Variants in SRRM3 observed in about 807,000 individuals in gnomAD.
SRRM3 encodes the protein serine/arginine repetitive matrix 3.
A neutral mutation model predicts 66.2 loss-of-function variants in SRRM3; 27 were observed. The observed-to-expected ratio is 0.41, with a 90% CI of 0.30 to 0.56. The LOEUF is 0.56. Among genes scored for constraint, SRRM3 ranks in the 20% least tolerant of loss-of-function variants. The pLI is 0.32. For synonymous variants in SRRM3, 391 were observed against 414.9 expected, an observed-to-expected ratio of 0.94 and a Z score of 0.70; for missense variants, 918 against 991.9, an observed-to-expected ratio of 0.93 and a Z score of 1.00.
At chr7:76,263,128 T>TG (rs1451879413) in intron 8 of SRRM3, among the ~76,000 whole-genome samples, 7 of 152,164 alleles carry the variant, frequency 4.6e-5, no homozygotes, top group Admixed American at 4.6e-4. Context: ...TGCCCCCAAG[T>TG]GGCCACCATT....
At position 76,267,283 on chromosome 7, in the gene SRRM3, G is replaced by A. The variant is rs1554609872; in HGVS notation, c.856G>A (p.Gly286Arg). The A allele has an allele frequency of 1.9e-6, 3 of 1,556,732 alleles. No individual in the cohort carries two copies. Among genetic ancestry groups the A allele is most frequent in the Non-Finnish European group, 2.6e-6 (3 of 1,157,464 alleles). ...GCTGAGCCCCAAGCACCGAGACGAA[G>A]GGCGAAAGACGGGCAGCCAGCGGTC... ...SRLSPKHRDE[G>R]RKTGSQRSSG... Residue 286 changes from glycine to arginine, a missense_variant, in exon 11 of 15, where the codon GGG becomes AGG. Coordinates refer to ENST00000611745, the MANE Select transcript of SRRM3 (RefSeq NM_001110199.3).
chr7:76,205,659 G>A (rs560752030), intron 1 of SRRM3, among the ~76,000 whole-genome samples: 1 of 152,346 alleles, frequency 6.6e-6, no homozygotes, highest in African/African-American at 2.4e-5. Context: ...ACAACCCTGA[G>A]AGGGTGTGGA....
chr7:76,214,447 A>G (rs1563607463), intron 1 of SRRM3, among the ~76,000 whole-genome samples: 1 of 152,156 alleles, frequency 6.6e-6, no homozygotes, highest in Non-Finnish European at 1.5e-5. Context: ...AGATTAATTG[A>G]CATTAATTGG....
Position 76,285,863 on chromosome 7 carries a change from G to A in SRRM3, c.*20G>A. Reference sequence around the variant, plus strand: ...TTCTGAGCCCAGACAGACTCAGCTTGGTGCCCCCCTGGCACTGGGAGAGGC... The same window carrying A: ...TTCTGAGCCCAGACAGACTCAGCTTAGTGCCCCCCTGGCACTGGGAGAGGC... On this transcript the variant is annotated 3_prime_UTR_variant, in exon 15 of 15. Transcript: ENST00000611745. The surrounding 1 kb of genome is among the most constrained non-coding windows in gnomAD (Gnocchi z 4.1). The A allele has an allele frequency of 6.5e-7, 1 of 1,538,382 alleles. No individual in the cohort carries two copies. The highest frequency in any genetic ancestry group is 8.8e-7 in the Non-Finnish European group (1 of 1,138,536).
In SRRM3 at chr7:76,260,097, C is replaced by T. The variant is rs1554608338; in HGVS notation, c.465-20C>T. ...GGCTGCCCCCCCTCACCGCCCCCAC[C>T]CCCGCCCCTTCTCCCCCAGGACCAA... is the stretch of plus-strand genomic sequence containing the variant. On this transcript the variant is annotated intron_variant, in intron 4 of 14. Transcript: ENST00000611745. 2.1e-6 allele frequency: 3 copies of T among 1,400,208 alleles called. No homozygotes were observed. The highest frequency in any genetic ancestry group is 2.8e-5 in the East Asian group (1 of 35,672). The allele number at this position is 1,400,208 out of a possible 1,614,324, so 86.7% of individuals were successfully genotyped here. A position where few individuals can be genotyped will look rare whatever the true frequency, so the allele number is the denominator to read the frequency against.
At chr7:76,282,550 C>CCCCCCACCCCCCAAA in intron 12 of SRRM3, 98 bp from the exon 13 acceptor site, 1 of 618,498 alleles carries the variant, frequency 1.6e-6, no homozygotes, top group African/African-American at 2.0e-5. Context: ...ACACGGACCC[C>CCCCCCACCCCCCAAA]GCCCCTCCGC....
rs370288720 is a variant in SRRM3 at position 76,253,448 on chromosome 7, C to T, written c.335+5159C>T. On this transcript the variant is annotated intron_variant, in intron 3 of 14. Transcript: ENST00000611745. ...CATCCTGGCTAACACGGTGAAACCC[C>T]GTCTCTACTAAAAATACAAAAAATT... is the stretch of plus-strand genomic sequence containing the variant. Among the ~76,000 whole-genome samples the T allele has an allele frequency of 1.9e-3, 285 of 151,260 alleles. 2 individuals are homozygous for T. Among genetic ancestry groups the T allele is most frequent in the Middle Eastern group, 0.014 (4 of 288 alleles).
Position 76,281,591 on chromosome 7 carries a change from CGGCGGCGGCGGCGTA to C in SRRM3, c.1170_1184del (p.Arg391_Arg395del). On this transcript the variant is annotated inframe_deletion, in exon 12 of 15. Transcript: ENST00000611745. ...CGCGGCGGGCGGGGCGGGCAGGCGGCGGCGGCGGCGGCGTAGGCGGCGGCGCTCGCGGTCCTCGGC... is the reference window on the plus strand; with the variant it reads ...CGCGGCGGGCGGGGCGGGCAGGCGGCGGCGGCGGCGCTCGCGGTCCTCGGC... 7.2e-6 allele frequency: 7 copies of C among 978,732 alleles called. No homozygotes were observed. The highest frequency in any genetic ancestry group is 8.5e-6 in the Non-Finnish European group (7 of 826,298). The allele number at this position is 978,732 out of a possible 1,614,324, so 60.6% of individuals were successfully genotyped here. A position where few individuals can be genotyped will look rare whatever the true frequency, so the allele number is the denominator to read the frequency against.
At chr7:76,259,646 A>T (rs1801803672) in intron 3 of SRRM3, among the ~76,000 whole-genome samples, 1 of 151,528 alleles carries the variant, frequency 6.6e-6, no homozygotes, top group East Asian at 1.9e-4. Context: ...GGTGCGGGCT[A>T]AATAAGGGGC....
chr7:76,265,822 A>ATTT (rs1554609482), intron 10 of SRRM3, among the ~76,000 whole-genome samples: 1 of 69,730 alleles, frequency 1.4e-5, no homozygotes, highest in African/African-American at 1.4e-4. Flanking sequence ...TATATTTAAT[A>ATTT]AATATTTATA....
At position 76,235,298 on chromosome 7, in the gene SRRM3, GGGTGA is replaced by G; in HGVS notation, c.233+1_233+5del. 1 of 1,509,160 alleles carries G rather than the reference GGGTGA, an allele frequency of 6.6e-7. No homozygotes were observed. 93.5% of individuals were successfully genotyped at this position (1,509,160 alleles called of 1,614,324 possible). On this transcript the variant is annotated splice_donor_variant and splice_donor_region_variant and coding_sequence_variant and intron_variant, in exon 2 of 15. Coordinates refer to ENST00000611745, the MANE Select transcript of SRRM3 (RefSeq NM_001110199.3). LOFTEE classifies it high-confidence loss of function. ...GCTGCAGGAGATGATGGAGGAGCAG[GGGTGA>G]GCAGGCCGCGGGGCGGGACTGGGGT...
rs1802559657 is a variant in SRRM3 at position 76,282,779 on chromosome 7, C to G, written c.1502C>G (p.Ser501Cys). ...SPGPHPRSWS[S>C]SRSPSKSRSR... ...GGCCCGCACCCCCGCTCCTGGAGCT[C>G]CAGCCGCTCGCCCTCCAAATCTCGC... Residue 501 changes from serine to cysteine, a missense_variant, in exon 13 of 15, where the codon TCC (serine) becomes TGC (cysteine). Coordinates refer to ENST00000611745, the MANE Select transcript of SRRM3 (RefSeq NM_001110199.3). 2 of 1,466,078 alleles carry G rather than the reference C, an allele frequency of 1.4e-6. No homozygotes were observed. The highest frequency in any genetic ancestry group is 6.1e-5 in the East Asian group (2 of 32,696). The allele number at this position is 1,466,078 out of a possible 1,614,324, so 90.8% of individuals were successfully genotyped here.
At chr7:76,242,514 A>G (rs1272378324) in intron 2 of SRRM3, among the ~76,000 whole-genome samples, 1 of 149,082 alleles carries the variant, frequency 6.7e-6, no homozygotes, top group Non-Finnish European at 1.5e-5. Context: ...TTTTCCATGG[A>G]CTAGGCGGGG....
At chr7:76,205,068 C>G (rs1157909248) in intron 1 of SRRM3, among the ~76,000 whole-genome samples, 1 of 152,120 alleles carries the variant, frequency 6.6e-6, no homozygotes, top group Non-Finnish European at 1.5e-5. Flanking sequence ...TCCGCAACTC[C>G]TTCACTGAGC....
intron 1 of SRRM3, among the ~76,000 whole-genome samples, chr7:76,231,847 G>A (rs1441489514): frequency 6.6e-6 from 1 of 152,194 alleles, no homozygotes; most frequent in Non-Finnish European, 1.5e-5. Flanking sequence ...CCTGAGGGAT[G>A]AGTTGAAGTT....
Position 76,285,480 on chromosome 7 carries a change from G to A in SRRM3, c.1734-135G>A, listed in dbSNP as rs1802639249. 10 of 675,852 alleles carry A rather than the reference G, an allele frequency of 1.5e-5. No homozygotes were observed. The highest frequency in any genetic ancestry group is 1.2e-4 in the South Asian group (6 of 51,138). 41.9% of individuals were successfully genotyped at this position (675,852 alleles called of 1,614,324 possible). ...TGGAATTTGCAAGTAACCAATGACCGTCAGATTCCATTTGGAGAAGGCAGG... is the reference window on the plus strand; with the variant it reads ...TGGAATTTGCAAGTAACCAATGACCATCAGATTCCATTTGGAGAAGGCAGG... On this transcript the variant is annotated intron_variant, in intron 14 of 14. Transcript: ENST00000611745. The surrounding 1 kb of genome is among the most constrained non-coding windows in gnomAD (Gnocchi z 4.1).
At chr7:76,240,569 G>A (rs541888587) in intron 2 of SRRM3, among the ~76,000 whole-genome samples, 10 of 148,930 alleles carry the variant, frequency 6.7e-5, no homozygotes, top group Non-Finnish European at 1.3e-4. Context: ...GCAGTGAGCC[G>A]AGATTGCGCC....
Position 76,253,656 on chromosome 7 carries a change from A to C in SRRM3, c.335+5367A>C, listed in dbSNP as rs1383224036. Among the ~76,000 whole-genome samples, 12 of 151,762 alleles carry C rather than the reference A, an allele frequency of 7.9e-5. No individual in the cohort carries two copies. The South Asian group carries it at 1.9e-3, about 24-fold the overall frequency. On this transcript the variant is annotated intron_variant, in intron 3 of 14. Coordinates refer to ENST00000611745, the MANE Select transcript of SRRM3 (RefSeq NM_001110199.3). Reference sequence around the variant, plus strand: ...AAAAAATAAAATAAAAATAAAAATAAAAATACAAAATTAACTGGGCGTGTT... The same window carrying C: ...AAAAAATAAAATAAAAATAAAAATACAAATACAAAATTAACTGGGCGTGTT...
chr7:76,251,881 G>A (rs538678968), intron 3 of SRRM3, among the ~76,000 whole-genome samples: 2 of 151,954 alleles, frequency 1.3e-5, no homozygotes, highest in African/African-American at 4.8e-5. Context: ...TGGCCAACAC[G>A]GTGAAACCCC....
Sources: gnomAD v4.1 joint callset for allele counts (sites outside exome capture counted in the v4.1 genomes callset) on GRCh38, gnomAD v4.1.1 for gene constraint, Gnocchi (gnomAD v3.1) non-coding constraint, MANE v1.5 for transcripts, NCBI Gene and HGNC (gene_info 2026-07-23, HGNC 2026-07-21) for gene names.